Variants in PDSS2 observed in about 807,000 individuals in gnomAD.
PDSS2 encodes decaprenyl diphosphate synthase subunit 2.
Under a neutral mutation model 44.5 loss-of-function variants are expected in PDSS2, and 31 were observed. The ratio of observed to expected loss-of-function variants is 0.70; its 90% confidence interval spans 0.52 to 0.94. The LOEUF (loss-of-function observed/expected upper bound fraction) is 0.94, where lower values mean the gene tolerates loss of function less well. Ranked by LOEUF, PDSS2 falls within the 40% of genes least tolerant of loss-of-function variation. The probability of loss-of-function intolerance (pLI) is 0.00; values close to 1 mark genes in which losing one functional copy is unlikely to be tolerated. For missense variants in PDSS2, 452 were observed against 482.2 expected (o/e 0.94, Z 0.59); for synonymous variants, 157 against 180.3 (o/e 0.87, Z 1.03).
At chr6:107,418,924 T>C (rs763609966) in intron 1 of PDSS2, among the ~76,000 whole-genome samples, 1 of 152,216 alleles carries the variant, frequency 6.6e-6, no homozygotes, top group Non-Finnish European at 1.5e-5. Flanking sequence ...ATATCAATTC[T>C]ATTGTTGCAT....
chr6:107,451,017 A>T lies in PDSS2; in HGVS notation c.296+7973T>A, dbSNP rs146238261. Among the ~76,000 whole-genome samples the T allele has an allele frequency of 2.3e-3, 347 of 152,324 alleles. 1 individual carries two copies. The highest frequency in any genetic ancestry group is 8.0e-3 in the African/African-American group (332 of 41,574). On this transcript the variant is annotated intron_variant, in intron 1 of 7. Transcript: ENST00000369037. ...AACTAATTTTTTATATATTTTGTAGAGACAGCATTTTGCCACATTGCCCAG... is the reference window on the plus strand; with the variant it reads ...AACTAATTTTTTATATATTTTGTAGTGACAGCATTTTGCCACATTGCCCAG...
intron 1 of PDSS2, among the ~76,000 whole-genome samples, chr6:107,366,753 G>A (rs912065298): frequency 2.0e-5 from 3 of 151,940 alleles, no homozygotes; most frequent in Non-Finnish European, 2.9e-5. Flanking sequence ...TTCCTAGAGA[G>A]TCAGACATTT....
At chr6:107,302,906 T>TA (rs1776743200) in intron 2 of PDSS2, among the ~76,000 whole-genome samples, 3 of 152,176 alleles carry the variant, frequency 2.0e-5, no homozygotes, top group Non-Finnish European at 4.4e-5. Context: ...GATTACATGT[T>TA]AAAATGATAT....
chr6:107,229,400 G>A (rs914915849), intron 4 of PDSS2, among the ~76,000 whole-genome samples: 1 of 152,072 alleles, frequency 6.6e-6, no homozygotes, highest in African/African-American at 2.4e-5. Flanking sequence ...AGCCAGGCTG[G>A]TCTCAAACTC....
Position 107,458,942 on chromosome 6 carries a change from A to C in PDSS2, c.296+48T>G, listed in dbSNP as rs750925886. Reference sequence around the variant, plus strand: ...GAATGCGTATGCCCGCCAGAAAAAAAAGTATTCCAATGAGTGCGAGTGTGT... The same window carrying C: ...GAATGCGTATGCCCGCCAGAAAAAACAGTATTCCAATGAGTGCGAGTGTGT... On this transcript the variant is annotated intron_variant, in intron 1 of 7. Coordinates refer to ENST00000369037, the MANE Select transcript of PDSS2 (RefSeq NM_020381.4). 4.4e-6 allele frequency: 7 copies of C among 1,580,936 alleles called. No homozygotes were observed. The Admixed American group carries it at 1.0e-4, about 23-fold the overall frequency.
intron 2 of PDSS2, among the ~76,000 whole-genome samples, chr6:107,325,964 C>T (rs930091243): frequency 8.5e-5 from 13 of 152,182 alleles, no homozygotes; most frequent in Non-Finnish European, 1.3e-4. Context: ...CCTCCCTGCT[C>T]TGAGATAAAT....
intron 3 of PDSS2, among the ~76,000 whole-genome samples, chr6:107,271,593 C>A (rs1278871860): frequency 2.0e-5 from 3 of 152,210 alleles, no homozygotes; most frequent in Non-Finnish European, 4.4e-5. Flanking sequence ...GCTTCTCCCA[C>A]CACCTGATAC....
At chr6:107,434,996 G>T (rs1781304641) in intron 1 of PDSS2, among the ~76,000 whole-genome samples, 1 of 151,808 alleles carries the variant, frequency 6.6e-6, no homozygotes, top group African/African-American at 2.4e-5. Flanking sequence ...TTTGATTAGG[G>T]CTGGGCACAG....
intron 1 of PDSS2, among the ~76,000 whole-genome samples, chr6:107,428,001 C>T (rs1345675961): frequency 1.3e-5 from 2 of 152,096 alleles, no homozygotes. Flanking sequence ...AGGTTGTGCA[C>T]CAGCTGATTA....
intron 4 of PDSS2, among the ~76,000 whole-genome samples, chr6:107,223,419 T>C (rs911993708): frequency 7.9e-5 from 12 of 150,946 alleles, no homozygotes; most frequent in African/African-American, 2.5e-4. Context: ...TGGTCCCAGC[T>C]CCTCGGGAGG....
chr6:107,268,054 C>G (rs1425641366), intron 3 of PDSS2, among the ~76,000 whole-genome samples: 1 of 152,164 alleles, frequency 6.6e-6, no homozygotes, highest in Non-Finnish European at 1.5e-5. Flanking sequence ...AATGCAAACA[C>G]ATGATGAGAA....
chr6:107,155,527 C>T (rs1261851166), intron 7 of PDSS2, among the ~76,000 whole-genome samples: 1 of 151,144 alleles, frequency 6.6e-6, no homozygotes, highest in Non-Finnish European at 1.5e-5. Context: ...TATGTTGACA[C>T]AATAGTCCAT....
At position 107,183,267 on chromosome 6, in the gene PDSS2, A is replaced by AT. The variant is rs199503186; in HGVS notation, c.1041+10554dup. On this transcript the variant is annotated intron_variant, in intron 7 of 7. Transcript: ENST00000369037. ...ATACCATTATGGTATTTTGATATGGATTTTTTTTTCTTTAAATTCTACTAT... is the reference window on the plus strand; with the variant it reads ...ATACCATTATGGTATTTTGATATGGATTTTTTTTTTCTTTAAATTCTACTAT... Among the ~76,000 whole-genome samples, 984 of 150,766 alleles carry AT rather than the reference A, an allele frequency of 6.5e-3. 11 individuals are homozygous for AT. Among genetic ancestry groups the AT allele is most frequent in the African/African-American group, 0.023 (932 of 41,094 alleles).
At chr6:107,283,390 C>A (rs1177654399) in intron 2 of PDSS2, among the ~76,000 whole-genome samples, 1 of 151,814 alleles carries the variant, frequency 6.6e-6, no homozygotes, top group Non-Finnish European at 1.5e-5. Context: ...AACCTGAAAT[C>A]TCTTCAAATG....
intron 1 of PDSS2, among the ~76,000 whole-genome samples, chr6:107,417,099 A>G (rs1780685290): frequency 6.6e-6 from 1 of 152,134 alleles, no homozygotes; most frequent in African/African-American, 2.4e-5. Flanking sequence ...ATTTTTTTAA[A>G]GAAGCACTTA....
At chr6:107,272,800 C>T (rs1775646414) in intron 3 of PDSS2, among the ~76,000 whole-genome samples, 1 of 152,024 alleles carries the variant, frequency 6.6e-6, no homozygotes, top group Non-Finnish European at 1.5e-5. Context: ...CTGGGCAACA[C>T]AGTGAGACTC....
At chr6:107,276,386 G>C (rs1775783730) in intron 2 of PDSS2, among the ~76,000 whole-genome samples, 2 of 152,174 alleles carry the variant, frequency 1.3e-5, no homozygotes, top group Admixed American at 6.6e-5. Context: ...CTGATTCACT[G>C]TTGCATGTTG....
intron 1 of PDSS2, among the ~76,000 whole-genome samples, chr6:107,364,766 A>G (rs989363914): frequency 5.3e-5 from 8 of 152,128 alleles, no homozygotes; most frequent in East Asian, 1.9e-4. Context: ...GGTGCCGAGA[A>G]CAAGCGAGGG....
intron 1 of PDSS2, among the ~76,000 whole-genome samples, chr6:107,454,297 C>T (rs1212596240): frequency 2.0e-5 from 3 of 152,126 alleles, no homozygotes; most frequent in Non-Finnish European, 4.4e-5. Context: ...ATCTGCCTAC[C>T]TTGGCCTCCC....
Sources: allele counts gnomAD v4.1 joint callset (sites outside exome capture counted in the v4.1 genomes callset), GRCh38; gene constraint gnomAD v4.1.1; transcripts MANE v1.5; gene names NCBI Gene and HGNC (gene_info 2026-07-23, HGNC 2026-07-21).